GPC5: variants seen among roughly 807,000 people sequenced by gnomAD.
GPC5 encodes the protein glypican 5, also known as glypican-5.
In GPC5, 47 loss-of-function variants were observed where a neutral mutation model predicts 53.9. That is an observed-to-expected ratio of 0.87 (90% CI 0.69 to 1.11). GPC5 has a LOEUF of 1.11. Among genes scored for constraint, GPC5 ranks in the 50% most tolerant of loss-of-function variants. GPC5 has a pLI of 0.00. For synonymous variants in GPC5, 286 were observed against 263.3 expected (o/e 1.09, Z -0.84); for missense variants, 748 against 713.1 (o/e 1.05, Z -0.56).
At chr13:91,670,472 G>A (rs1281586895) in intron 2 of GPC5, among the ~76,000 whole-genome samples, 2 of 152,144 alleles carry the variant, frequency 1.3e-5, no homozygotes, top group Non-Finnish European at 1.5e-5. Flanking sequence ...AGGCAGGTCT[G>A]GGAGATAAAA....
chr13:92,356,592 T>C (rs1431954018), intron 7 of GPC5, among the ~76,000 whole-genome samples: 1 of 152,172 alleles, frequency 6.6e-6, no homozygotes, highest in Non-Finnish European at 1.5e-5. Flanking sequence ...GGATTGGATA[T>C]AGGTGTGAGT....
chr13:92,606,966 T>C (rs1428339197), intron 7 of GPC5, among the ~76,000 whole-genome samples: 1 of 152,240 alleles, frequency 6.6e-6, no homozygotes, highest in African/African-American at 2.4e-5. Context: ...TTTCATTTTT[T>C]AAATATTGCT....
chr13:92,385,782 T>TATACATATATAC (rs199814375), intron 7 of GPC5, among the ~76,000 whole-genome samples: 1 of 117,766 alleles, frequency 8.5e-6, no homozygotes, highest in African/African-American at 3.6e-5. Context: ...TATACATATA[T>TATACATATATAC]GTATATATAT....
chr13:92,037,799 A>G (rs1594737970), intron 6 of GPC5, among the ~76,000 whole-genome samples: 2 of 152,100 alleles, frequency 1.3e-5, no homozygotes, highest in East Asian at 3.9e-4. Context: ...GATTTAAGAA[A>G]CCCTCATTTG....
At chr13:92,839,185 A>C (rs1156332789) in intron 7 of GPC5, among the ~76,000 whole-genome samples, 2 of 152,230 alleles carry the variant, frequency 1.3e-5, no homozygotes, top group East Asian at 3.8e-4. Flanking sequence ...TACAATGTTC[A>C]ATATTTTAAG....
At chr13:92,422,488 T>TCACACACACACACA (rs6145177) in intron 7 of GPC5, among the ~76,000 whole-genome samples, 1 of 133,390 alleles carries the variant, frequency 7.5e-6, no homozygotes, top group East Asian at 3.1e-4. Flanking sequence ...CATCACCATC[T>TCACACACACACACA]CACACACACA....
chr13:91,785,866 G>T (rs2138732976), intron 5 of GPC5, among the ~76,000 whole-genome samples: 1 of 152,278 alleles, frequency 6.6e-6, no homozygotes, highest in South Asian at 2.1e-4. Context: ...CTGAACTTAT[G>T]CTGAGATTCC....
intron 7 of GPC5, among the ~76,000 whole-genome samples, chr13:92,800,767 A>G (rs1330255241): frequency 2.6e-5 from 4 of 151,880 alleles, no homozygotes; most frequent in African/African-American, 9.7e-5. Flanking sequence ...AGAGGAGAAT[A>G]AGGGATTAAC....
chr13:92,455,562 G>T (rs1878231133), intron 7 of GPC5, among the ~76,000 whole-genome samples: 1 of 152,104 alleles, frequency 6.6e-6, no homozygotes, highest in Non-Finnish European at 1.5e-5. Flanking sequence ...AATAGATTTT[G>T]ATGGAGTAAG....
intron 7 of GPC5, among the ~76,000 whole-genome samples, chr13:92,824,027 G>A (rs1248036169): frequency 1.3e-5 from 2 of 151,610 alleles, no homozygotes; most frequent in Non-Finnish European, 2.9e-5. Flanking sequence ...CTTCTATCTT[G>A]TACTCTCATT....
chr13:92,168,472 A>G (rs977309797), intron 7 of GPC5, among the ~76,000 whole-genome samples: 1 of 152,164 alleles, frequency 6.6e-6, no homozygotes, highest in African/African-American at 2.4e-5. Context: ...AATCTATAAG[A>G]AACTTAAATT....
chr13:92,351,570 C>T (rs2043477773), intron 7 of GPC5, among the ~76,000 whole-genome samples: 1 of 151,876 alleles, frequency 6.6e-6, no homozygotes, highest in East Asian at 1.9e-4. Flanking sequence ...GTTATTTTTC[C>T]ATATGATGTT....
At chr13:92,391,318 A>G (rs1874991822) in intron 7 of GPC5, among the ~76,000 whole-genome samples, 3 of 152,166 alleles carry the variant, frequency 2.0e-5, no homozygotes, top group Admixed American at 1.3e-4. Flanking sequence ...TTTTACCAGT[A>G]ATGAGATAGG....
intron 7 of GPC5, among the ~76,000 whole-genome samples, chr13:92,184,173 T>G (rs2042166712): frequency 6.6e-6 from 1 of 152,128 alleles, no homozygotes; most frequent in African/African-American, 2.4e-5. Context: ...TGAGGAGGCT[T>G]CCAGTATGAG....
chr13:92,545,324 G>A (rs554288772), intron 7 of GPC5, among the ~76,000 whole-genome samples: 2 of 152,226 alleles, frequency 1.3e-5, no homozygotes, highest in East Asian at 1.9e-4. Context: ...TATCATTGTT[G>A]GACATCTGGG....
rs964056769 is a variant in GPC5, at chr13:92,856,725, C to T, written c.1562-9557C>T. 3.9e-5 allele frequency among the ~76,000 whole-genome samples: 6 copies of T among 151,928 alleles called. 1 individual carries two copies. The highest frequency in any genetic ancestry group is 8.8e-5 in the Non-Finnish European group (6 of 67,952). On this transcript the variant is annotated intron_variant, in intron 7 of 7. Coordinates refer to ENST00000377067, the MANE Select transcript of GPC5 (RefSeq NM_004466.6). ...GAGAGCCAAATCAATAGCATAATCCCATTTGTAATAGCCTTAAAAAATAAA... is the reference window on the plus strand; with the variant it reads ...GAGAGCCAAATCAATAGCATAATCCTATTTGTAATAGCCTTAAAAAATAAA...
At chr13:92,299,187 T>A (rs564392427) in intron 7 of GPC5, among the ~76,000 whole-genome samples, 3 of 152,328 alleles carry the variant, frequency 2.0e-5, no homozygotes, top group African/African-American at 7.2e-5. Context: ...ACAGCCTTTT[T>A]TTTCTTTTGT....
chr13:92,374,350 A>G (rs936957010), intron 7 of GPC5, among the ~76,000 whole-genome samples: 2 of 152,126 alleles, frequency 1.3e-5, no homozygotes, highest in African/African-American at 2.4e-5. Context: ...ACTCTGATTT[A>G]TAGTATATAC....
At chr13:91,540,713 C>T (rs1007936881) in intron 2 of GPC5, among the ~76,000 whole-genome samples, 10 of 152,000 alleles carry the variant, frequency 6.6e-5, no homozygotes, top group Admixed American at 5.2e-4. Flanking sequence ...TGGAAAATTT[C>T]TTCTTGTCAT....
Sources: gnomAD v4.1 joint callset for allele counts (sites outside exome capture counted in the v4.1 genomes callset) on GRCh38, gnomAD v4.1.1 for gene constraint, MANE v1.5 for transcripts, NCBI Gene and HGNC (gene_info 2026-07-23, HGNC 2026-07-21) for gene names.